The following CATSPER3 variants were observed in gnomAD, a reference collection of about 807,000 sequenced individuals.
CATSPER3 encodes cation channel sperm associated 3.
Under a neutral mutation model 36.6 loss-of-function variants are expected in CATSPER3, and 23 were observed. The observed-to-expected ratio is 0.63, with a 90% confidence interval of 0.45 to 0.89. The LOEUF is 0.89. Ranked by LOEUF, CATSPER3 falls within the 40% of genes least tolerant of loss-of-function variation. CATSPER3 has a pLI of 0.00. For missense variants in CATSPER3, 474 were observed against 503.9 expected (o/e 0.94, Z 0.57); for synonymous variants, 172 against 184.1 (o/e 0.93, Z 0.53).
At chr5:134,975,738 G>C (rs749031069) in intron 2 of CATSPER3, among the ~76,000 whole-genome samples, 2 of 152,200 alleles carry the variant, frequency 1.3e-5, no homozygotes, top group Non-Finnish European at 2.9e-5. Context: ...CAGAAAATTA[G>C]AACTACCATA....
At chr5:134,970,158 T>C (rs1751585197) in intron 2 of CATSPER3, 66 bp downstream of exon 2, 1 of 1,511,972 alleles carries the variant, frequency 6.6e-7, no homozygotes, top group East Asian at 2.3e-5. Context: ...GGAAACATTA[T>C]AAGATTTTTT....
chr5:134,978,785 T>C (rs1025346793), intron 2 of CATSPER3, among the ~76,000 whole-genome samples: 3 of 151,770 alleles, frequency 2.0e-5, no homozygotes, highest in Non-Finnish European at 2.9e-5. Context: ...AGTGGGGCCA[T>C]CTTGGCTCAC....
intron 2 of CATSPER3, among the ~76,000 whole-genome samples, chr5:134,971,214 G>T (rs1477627088): frequency 6.6e-6 from 1 of 152,086 alleles, no homozygotes; most frequent in Non-Finnish European, 1.5e-5. Flanking sequence ...CTCCCAGAGT[G>T]CAGGTATTAC....
intron 2 of CATSPER3, among the ~76,000 whole-genome samples, chr5:134,988,026 G>A (rs1751832235): frequency 6.6e-6 from 1 of 152,206 alleles, no homozygotes; most frequent in Non-Finnish European, 1.5e-5. Flanking sequence ...CTCAGATATT[G>A]TGGATTAAGT....
chr5:134,975,991 A>C (rs1751668283), intron 2 of CATSPER3, among the ~76,000 whole-genome samples: 1 of 152,228 alleles, frequency 6.6e-6, no homozygotes, highest in Non-Finnish European at 1.5e-5. Flanking sequence ...TGAACTTAGA[A>C]GACATTATGT....
At chr5:134,997,835 A>T (rs1047055700) in intron 3 of CATSPER3, among the ~76,000 whole-genome samples, 1 of 151,934 alleles carries the variant, frequency 6.6e-6, no homozygotes, top group African/African-American at 2.4e-5. Context: ...CTCAAATTTG[A>T]TGTGTCTAAA....
rs377511902 is a variant in CATSPER3 at position 134,996,438 on chromosome 5, A to C, written c.418A>C (p.Thr140Pro). ...ALRQLMGKQF[T>P]YLYIADGMQS... ...CCGCCAGCTCATGGGCAAACAGTTCACTTACCTGTATATCGCTGATGGCAT... is the reference window on the plus strand; with the variant it reads ...CCGCCAGCTCATGGGCAAACAGTTCCCTTACCTGTATATCGCTGATGGCAT... The change falls in exon 3 of 8, where the codon ACT (threonine) becomes CCT (proline). Residue 140 changes from threonine (T) to proline (P), a missense_variant. Coordinates refer to ENST00000282611, the MANE Select transcript of CATSPER3 (RefSeq NM_178019.3). The C allele has an allele frequency of 6.2e-7, 1 of 1,614,042 alleles. No homozygotes were observed. The highest frequency in any genetic ancestry group is 2.2e-5 in the East Asian group (1 of 44,888).
intron 2 of CATSPER3, among the ~76,000 whole-genome samples, chr5:134,978,310 G>C (rs1751703048): frequency 6.6e-6 from 1 of 152,130 alleles, no homozygotes; most frequent in Non-Finnish European, 1.5e-5. Context: ...GACTTTGAAT[G>C]TTCTTATCAC....
intron 3 of CATSPER3, among the ~76,000 whole-genome samples, chr5:135,004,043 C>T (rs1193466285): frequency 6.6e-6 from 1 of 152,246 alleles, no homozygotes; most frequent in African/African-American, 2.4e-5. Context: ...TTCTGCGTCA[C>T]TCACACTGGG....
chr5:135,010,773 T>C lies in CATSPER3; in HGVS notation c.1094+243T>C, dbSNP rs1389356686. 3.3e-5 allele frequency among the ~76,000 whole-genome samples: 5 copies of C among 152,258 alleles called. No homozygotes were observed. In the East Asian group the frequency reaches 5.8e-4, roughly 18 times the overall value. On this transcript the variant is annotated intron_variant, in intron 7 of 7. Coordinates refer to ENST00000282611, the MANE Select transcript of CATSPER3 (RefSeq NM_178019.3). ...CCTCCCCAACCCACCTTGACTTGTA[T>C]GTAAATGCCAGCTCCTTGAAGTCTC...
intron 2 of CATSPER3, among the ~76,000 whole-genome samples, chr5:134,987,371 A>T (rs186354622): frequency 7.9e-5 from 12 of 152,312 alleles, no homozygotes; most frequent in Middle Eastern, 3.4e-3. Context: ...AAATCTCAGG[A>T]CCAGGTAGTT....
chr5:134,993,670 T>TA (rs1024741118), intron 2 of CATSPER3, among the ~76,000 whole-genome samples: 2 of 151,948 alleles, frequency 1.3e-5, no homozygotes, highest in African/African-American at 4.8e-5. Flanking sequence ...GATAATTTTC[T>TA]AAAAAAAATT....
At chr5:135,005,334 C>T (rs1043765687) in intron 3 of CATSPER3, among the ~76,000 whole-genome samples, 7 of 152,192 alleles carry the variant, frequency 4.6e-5, no homozygotes, top group Non-Finnish European at 8.8e-5. Flanking sequence ...CAGGCACACA[C>T]GCATGCACCA....
intron 2 of CATSPER3, among the ~76,000 whole-genome samples, chr5:134,987,876 T>TA (rs1348722473): frequency 1.3e-5 from 2 of 152,188 alleles, no homozygotes; most frequent in Non-Finnish European, 2.9e-5. Flanking sequence ...GCCTTCCCCC[T>TA]AAAATTAGGA....
intron 2 of CATSPER3, among the ~76,000 whole-genome samples, chr5:134,989,361 T>C (rs1376331582): frequency 6.6e-6 from 1 of 152,238 alleles, no homozygotes; most frequent in Non-Finnish European, 1.5e-5. Flanking sequence ...CCCCTGTAGC[T>C]ATGAAAGTCC....
At chr5:134,970,733 G>A (rs1349972532) in intron 2 of CATSPER3, among the ~76,000 whole-genome samples, 4 of 151,604 alleles carry the variant, frequency 2.6e-5, no homozygotes, top group African/African-American at 9.7e-5. Flanking sequence ...CATCATGCTT[G>A]GGTAATTTTT....
chr5:134,982,456 A>G (rs542763427), intron 2 of CATSPER3, among the ~76,000 whole-genome samples: 5 of 152,336 alleles, frequency 3.3e-5, no homozygotes, highest in Admixed American at 3.3e-4. Context: ...GCAAGGGATA[A>G]GCAAGTTGTC....
At chr5:134,986,440 G>A (rs936557326) in intron 2 of CATSPER3, among the ~76,000 whole-genome samples, 10 of 141,926 alleles carry the variant, frequency 7.0e-5, no homozygotes, top group African/African-American at 2.6e-4. Flanking sequence ...CACTGTGCCT[G>A]GCCTTAAACA....
intron 3 of CATSPER3, among the ~76,000 whole-genome samples, chr5:135,004,277 C>T (rs1189461952): frequency 6.6e-6 from 1 of 152,194 alleles, no homozygotes; most frequent in Non-Finnish European, 1.5e-5. Flanking sequence ...CCTGCATTGG[C>T]GTCCCACACT....
Sources: gnomAD v4.1 joint callset for allele counts (sites outside exome capture counted in the v4.1 genomes callset) on GRCh38, gnomAD v4.1.1 for gene constraint, MANE v1.5 for transcripts, NCBI Gene and HGNC (gene_info 2026-07-23, HGNC 2026-07-21) for gene names.